Variants in SCAP observed in about 807,000 individuals in gnomAD.
SCAP encodes sterol regulatory element-binding protein cleavage-activating protein.
In SCAP, 65 loss-of-function variants were observed where a neutral mutation model predicts 123.6. The ratio of observed to expected loss-of-function variants is 0.53; its 90% CI spans 0.43 to 0.65. SCAP has a LOEUF of 0.65. Among genes scored for constraint, SCAP ranks in the 30% least tolerant of loss-of-function variants. The pLI, the probability that SCAP is intolerant of heterozygous loss-of-function variation, is 0.00. For missense variants in SCAP, 1,398 were observed against 1,712.5 expected, an observed-to-expected ratio of 0.82 and a Z score of 3.24; for synonymous variants, 740 against 726.3, an observed-to-expected ratio of 1.02 and a Z score of -0.30.
chr3:47,425,640 G>A (rs763108443), intron 7 of SCAP, 29 bp from the exon 8 acceptor site: 23 of 1,610,380 alleles, frequency 1.4e-5, no homozygotes, highest in African/African-American at 5.3e-5. Context: ...GTATCAGGGC[G>A]GCCCCTCCCC....
In SCAP at chr3:47,439,263, G is replaced by A. The variant is rs1706706761; in HGVS notation, c.122+3609C>T. ...GTCTCTACTAAAAATACAAAAAATA[G>A]CCGGACGTGGTGGCTCACACCTGTA... is the stretch of plus-strand genomic sequence containing the variant. On this transcript the variant is annotated intron_variant, in intron 2 of 22. Transcript: ENST00000265565. This position sits in a 1 kb window ranked among gnomAD's most constrained non-coding sequence, Gnocchi z 4.0. Among the ~76,000 whole-genome samples, 1 of 152,016 alleles carries A rather than the reference G, an allele frequency of 6.6e-6. No individual in the cohort carries two copies. Among genetic ancestry groups the A allele is most frequent in the Admixed American group, 6.6e-5 (1 of 15,256 alleles).
intron 18 of SCAP, among the ~76,000 whole-genome samples, chr3:47,416,613 C>T (rs562399272): frequency 7.6e-6 from 1 of 131,646 alleles, no homozygotes; most frequent in East Asian, 2.4e-4. Flanking sequence ...ACACCCCTAA[C>T]GCTTTTTTTT....
intron 1 of SCAP, among the ~76,000 whole-genome samples, chr3:47,474,264 C>CA (rs34683292): frequency 0.4 from 54,940 of 136,750 alleles, 10,519 homozygotes; most frequent in Middle Eastern, 0.53. Flanking sequence ...GACTCCATCT[C>CA]AAAAAAAAAA....
chr3:47,442,359 G>A (rs1054977343), intron 2 of SCAP, among the ~76,000 whole-genome samples: 26 of 152,184 alleles, frequency 1.7e-4, no homozygotes, highest in Non-Finnish European at 3.2e-4. Flanking sequence ...TCCTTGGCAA[G>A]TGCAGCTGGC....
At chr3:47,424,852 TAGAC>T (rs1010945116) in intron 8 of SCAP, among the ~76,000 whole-genome samples, 4 of 152,052 alleles carry the variant, frequency 2.6e-5, no homozygotes, top group South Asian at 4.1e-4. Flanking sequence ...TAACCATTAA[TAGAC>T]AGGCAGGCGG....
Position 47,419,766 on chromosome 3 carries a change from CCTCATG to C in SCAP, c.1564-68_1564-63del. 6.7e-7 allele frequency: 1 copy of C among 1,494,788 alleles called. No homozygotes were observed. The allele number at this position is 1,494,788 out of a possible 1,614,324, so 92.6% of individuals were successfully genotyped here. A position where few individuals can be genotyped will look rare whatever the true frequency, so the allele number is the denominator to read the frequency against. ...GGCCCCAACCCCCAGCAGCTTCAGC[CCTCATG>C]CTGAGAGGAAGCAGCACAGGGACCT... On this transcript the variant is annotated intron_variant, in intron 12 of 22. Coordinates refer to ENST00000265565, the MANE Select transcript of SCAP (RefSeq NM_012235.4). This position sits in a 1 kb window ranked among gnomAD's most constrained non-coding sequence, Gnocchi z 5.0.
At chr3:47,414,688 G>C in intron 20 of SCAP, 36 bp from the exon 21 acceptor site, 1 of 1,612,604 alleles carries the variant, frequency 6.2e-7, no homozygotes, top group Non-Finnish European at 8.5e-7. Flanking sequence ...CTGGTCTCTG[G>C]GATTTTCCAA....
Position 47,435,047 on chromosome 3 carries a change from A to C in SCAP, c.213T>G (p.Ser71=), listed in dbSNP as rs960794067. 12 of 1,614,070 alleles carry C rather than the reference A, an allele frequency of 7.4e-6. No homozygotes were observed. Among genetic ancestry groups the C allele is most frequent in the Non-Finnish European group, 1.0e-5 (12 of 1,180,022 alleles). ...VKDYSPPPVD[S]DRKQGEPTEQ... ...CAGTAGGCTCTCCTTGTTTGCGGTC[A>C]GAGTCCACAGGTGGGGGCGAGTAAT... Residue 71 remains serine, a synonymous_variant, in exon 3 of 23, where the codon TCT becomes TCG. Coordinates refer to ENST00000265565, the MANE Select transcript of SCAP (RefSeq NM_012235.4).
chr3:47,474,272 A>AG (rs1406863257), intron 1 of SCAP, among the ~76,000 whole-genome samples: 3 of 151,760 alleles, frequency 2.0e-5, no homozygotes, highest in East Asian at 1.9e-4. Flanking sequence ...CTCAAAAAAA[A>AG]AAAGAAAGAA....
chr3:47,476,065 A>G (rs1708262853), upstream of SCAP: 1 of 151,552 alleles, frequency 6.6e-6, no homozygotes, highest in Admixed American at 6.6e-5. Flanking sequence ...TCTGGTGGAC[A>G]CCGGAGGGAA....
chr3:47,422,568 C>G (rs940051330), intron 9 of SCAP, 32 bp from the exon 10 acceptor site: 1 of 1,542,570 alleles, frequency 6.5e-7, no homozygotes, highest in African/African-American at 1.4e-5. Context: ...CACAGGGCAA[C>G]ACATGGCCAC....
At chr3:47,416,432 CTG>C (rs1355007619) in intron 18 of SCAP, among the ~76,000 whole-genome samples, 7 of 152,282 alleles carry the variant, frequency 4.6e-5, no homozygotes, top group Non-Finnish European at 7.4e-5. Context: ...CAAGCGCACT[CTG>C]TAACTAAAAA....
In SCAP at chr3:47,414,300, A is replaced by G. The variant is rs1222205329; in HGVS notation, c.3474T>C (p.Ala1158=). The part of the protein sequence containing the change: ...LTGSRVSHVF[A]HRGDVTSLTC... ...TAAGGGAGGTGACATCCCCACGGTG[A>G]GCAAACACATGGCTGACCCGGCTGC... Residue 1158 remains alanine (A), a synonymous_variant, in exon 22 of 23, where the codon GCT becomes GCC. Coordinates refer to ENST00000265565, the MANE Select transcript of SCAP (RefSeq NM_012235.4). 1 of 1,613,192 alleles carries G rather than the reference A, an allele frequency of 6.2e-7. No homozygotes were observed.
chr3:47,471,193 A>G (rs907777597), intron 1 of SCAP, among the ~76,000 whole-genome samples: 3 of 152,184 alleles, frequency 2.0e-5, no homozygotes, highest in African/African-American at 7.2e-5. Flanking sequence ...AAAAATGAGT[A>G]CAGAAGAGGA....
intron 17 of SCAP, 43 bp downstream of exon 17, chr3:47,417,261 G>A (rs112833043): frequency 5.3e-5 from 85 of 1,612,174 alleles, no homozygotes; most frequent in East Asian, 1.8e-4. Flanking sequence ...CACAATCCCC[G>A]GGGCGGACAG....
intron 7 of SCAP, 139 bp from the exon 8 acceptor site, chr3:47,425,750 C>T (rs988286225): frequency 2.0e-6 from 2 of 989,526 alleles, no homozygotes. Flanking sequence ...GGCACAAGCA[C>T]TTCCCAGTGT....
At position 47,475,905 on chromosome 3, in the gene SCAP, T is replaced by C. The variant is rs561178668; in HGVS notation, c.-205A>G. The C allele has an allele frequency of 1.3e-5, 2 of 153,816 alleles. No individual in the cohort carries two copies. Among genetic ancestry groups the C allele is most frequent in the Non-Finnish European group, 2.9e-5 (2 of 68,982 alleles). 9.5% of individuals were successfully genotyped at this position (153,816 alleles called of 1,614,324 possible). A position where few individuals can be genotyped will look rare whatever the true frequency, so the allele number is the denominator to read the frequency against. ...CGCTCTCGGCCCGCAGTCCGGTGCG[T>C]GGCGCCCTCCCTCTCTCTCCTGGCC... is the stretch of plus-strand genomic sequence containing the variant. On this transcript the variant is annotated 5_prime_UTR_variant, in exon 1 of 23. Coordinates refer to ENST00000265565, the MANE Select transcript of SCAP (RefSeq NM_012235.4).
In SCAP at chr3:47,414,536, ACT is replaced by A. The variant is rs762832069; in HGVS notation, c.3387+34_3387+35del. On this transcript the variant is annotated intron_variant, in intron 21 of 22. Transcript: ENST00000265565. ...AGGAGTCAGCAAACATGGGCCACAG[ACT>A]CTGTACCCCCTACCCCACCTGCAGG... 6.2e-6 allele frequency: 10 copies of A among 1,611,588 alleles called. No homozygotes were observed. In the Admixed American group the frequency reaches 1.3e-4, roughly 21 times the overall value.
intron 1 of SCAP, among the ~76,000 whole-genome samples, chr3:47,474,969 A>C (rs1251295834): frequency 6.6e-6 from 1 of 152,124 alleles, no homozygotes; most frequent in Non-Finnish European, 1.5e-5. Context: ...AAACTCCACA[A>C]ATTTTTGGCC....
Sources: gnomAD v4.1 joint callset for allele counts (sites outside exome capture counted in the v4.1 genomes callset) on GRCh38, gnomAD v4.1.1 for gene constraint, Gnocchi (gnomAD v3.1) non-coding constraint, MANE v1.5 for transcripts, NCBI Gene and HGNC (gene_info 2026-07-23, HGNC 2026-07-21) for gene names.